PRKCB: variants seen among roughly 807,000 people sequenced by gnomAD.
PRKCB encodes protein kinase C beta, also known as protein kinase C beta type.
Under a neutral mutation model 81.5 loss-of-function variants are expected in PRKCB, and 13 were observed. That is an observed-to-expected ratio of 0.16 (90% CI 0.10 to 0.25). PRKCB has a LOEUF of 0.25. PRKCB is among the 10% of genes least tolerant of loss of function. PRKCB has a pLI of 1.00. For synonymous variants in PRKCB, 335 were observed against 321.4 expected, an observed-to-expected ratio of 1.04 and a Z score of -0.45; for missense variants, 509 against 875.7, an observed-to-expected ratio of 0.58 and a Z score of 5.29.
chr16:23,934,458 G>T (rs1427620647), intron 2 of PRKCB, among the ~76,000 whole-genome samples: 2 of 152,088 alleles, frequency 1.3e-5, no homozygotes, highest in Admixed American at 6.5e-5. Context: ...GTTTTCAGAG[G>T]AATCCTGTGG....
At chr16:24,126,779 G>A (rs996803767) in intron 9 of PRKCB, among the ~76,000 whole-genome samples, 3 of 151,894 alleles carry the variant, frequency 2.0e-5, no homozygotes, top group East Asian at 1.9e-4. Flanking sequence ...CATGTGATCC[G>A]TTCGCCTCGG....
intron 2 of PRKCB, among the ~76,000 whole-genome samples, chr16:23,977,554 A>G (rs1020696405): frequency 1.3e-5 from 2 of 152,168 alleles, no homozygotes; most frequent in African/African-American, 4.8e-5. Flanking sequence ...AGAAAACTGA[A>G]GTAGGGAATA....
intron 7 of PRKCB, among the ~76,000 whole-genome samples, chr16:24,104,870 A>G (rs1966554846): frequency 6.6e-6 from 1 of 152,140 alleles, no homozygotes; most frequent in African/African-American, 2.4e-5. Context: ...CGGCCTTGTC[A>G]GGACTTTGTC....
At chr16:23,981,734 C>CTTCCCTTTCCCTTCCCT (rs1964712201) in intron 2 of PRKCB, among the ~76,000 whole-genome samples, 1 of 48,452 alleles carries the variant, frequency 2.1e-5, no homozygotes, top group Non-Finnish European at 3.8e-5. Flanking sequence ...TTCCCTTCCC[C>CTTCCCTTTCCCTTCCCT]TTCCCTTCCC....
intron 2 of PRKCB, among the ~76,000 whole-genome samples, chr16:23,876,719 AAG>A (rs1963019372): frequency 5.9e-5 from 4 of 67,394 alleles, no homozygotes; most frequent in Non-Finnish European, 1.2e-4. Context: ...TCTGGGCCAG[AAG>A]AGTTGAACTA....
intron 2 of PRKCB, among the ~76,000 whole-genome samples, chr16:23,925,082 A>G (rs1963878199): frequency 6.6e-6 from 1 of 152,096 alleles, no homozygotes; most frequent in Non-Finnish European, 1.5e-5. Context: ...GGGTATAGTT[A>G]TTTAACTGCC....
At chr16:24,141,882 A>G (rs1966906852) in intron 9 of PRKCB, among the ~76,000 whole-genome samples, 1 of 152,166 alleles carries the variant, frequency 6.6e-6, no homozygotes, top group African/African-American at 2.4e-5. Context: ...ACATTGGTCG[A>G]TTGCTCTGAT....
intron 2 of PRKCB, among the ~76,000 whole-genome samples, chr16:23,931,558 A>T (rs1439325395): frequency 6.6e-6 from 1 of 152,116 alleles, no homozygotes; most frequent in Admixed American, 6.5e-5. Context: ...GCAGGTGCCA[A>T]CCTGAGGCTG....
chr16:24,157,918 G>A lies in PRKCB; in HGVS notation c.1239+3061G>A, dbSNP rs143963472. On this transcript the variant is annotated intron_variant, in intron 10 of 16. Transcript: ENST00000643927. ...TCCTTTATAAATTACCGAGTCTCAG[G>A]TATGTCTAATGGACTAATGAGAATG... Among the ~76,000 whole-genome samples, 523 of 152,014 alleles carry A rather than the reference G, an allele frequency of 3.4e-3. 1 individual carries two copies. The highest frequency in any genetic ancestry group is 6.3e-3 in the Non-Finnish European group (428 of 67,980).
chr16:24,206,037 G>A (rs1968040648), intron 16 of PRKCB, among the ~76,000 whole-genome samples: 1 of 152,062 alleles, frequency 6.6e-6, no homozygotes, highest in African/African-American at 2.4e-5. Flanking sequence ...AAAAGCAAGA[G>A]CAAAACAAAA....
intron 3 of PRKCB, among the ~76,000 whole-genome samples, chr16:24,005,665 TC>T (rs1353096966): frequency 6.6e-6 from 1 of 152,228 alleles, no homozygotes; most frequent in Admixed American, 6.5e-5. Flanking sequence ...TGACTTCAAT[TC>T]ATTTTTGGCC....
chr16:23,936,725 C>T (rs1182692762), intron 2 of PRKCB, among the ~76,000 whole-genome samples: 1 of 151,186 alleles, frequency 6.6e-6, no homozygotes, highest in Non-Finnish European at 1.5e-5. Flanking sequence ...CCCAAGTATT[C>T]ATTTTTTAAT....
At chr16:23,950,143 T>TTG (rs1964259920) in intron 2 of PRKCB, among the ~76,000 whole-genome samples, 3 of 144,516 alleles carry the variant, frequency 2.1e-5, no homozygotes, top group South Asian at 2.3e-4. Context: ...TTTTTTTTTT[T>TTG]TTTTTTTTTT....
At chr16:23,990,413 G>A (rs1028843000) in intron 3 of PRKCB, among the ~76,000 whole-genome samples, 7 of 150,646 alleles carry the variant, frequency 4.6e-5, no homozygotes, top group African/African-American at 1.5e-4. Context: ...AGCGGAGATC[G>A]CACCACTGCA....
intron 5 of PRKCB, among the ~76,000 whole-genome samples, chr16:24,074,799 C>T (rs1966157979): frequency 6.6e-6 from 1 of 152,112 alleles, no homozygotes; most frequent in Non-Finnish European, 1.5e-5. Context: ...TGCAATATGG[C>T]AGCCACTAGC....
intron 10 of PRKCB, among the ~76,000 whole-genome samples, chr16:24,164,148 G>T (rs993220260): frequency 3.9e-5 from 6 of 152,120 alleles, no homozygotes; most frequent in African/African-American, 1.4e-4. Flanking sequence ...AGTGGCAAGT[G>T]TCCCCCTGGC....
intron 7 of PRKCB, among the ~76,000 whole-genome samples, chr16:24,095,483 T>C (rs1966428321): frequency 6.6e-6 from 1 of 152,144 alleles, no homozygotes; most frequent in Non-Finnish European, 1.5e-5. Flanking sequence ...GGCAAAAGCC[T>C]GAAAAGACAT....
Position 23,854,046 on chromosome 16 carries a change from G to T in PRKCB, c.205+16640G>T, listed in dbSNP as rs143984058. Among the ~76,000 whole-genome samples, 555 of 150,422 alleles carry T rather than the reference G, an allele frequency of 3.7e-3. 3 individuals carry two copies. Among genetic ancestry groups the T allele is most frequent in the African/African-American group, 0.013 (515 of 41,100 alleles). ...TTTATAAAACCATCAGATCTCGTGAGACTTATTCACTATCACGAGAACAGC... is the reference window on the plus strand; with the variant it reads ...TTTATAAAACCATCAGATCTCGTGATACTTATTCACTATCACGAGAACAGC... On this transcript the variant is annotated intron_variant, in intron 2 of 16. Transcript: ENST00000643927.
intron 2 of PRKCB, among the ~76,000 whole-genome samples, chr16:23,970,229 C>A (rs576568458): frequency 6.6e-6 from 1 of 152,228 alleles, no homozygotes; most frequent in East Asian, 1.9e-4. Context: ...TGGAGTTGTC[C>A]AAGGTTAATG....
Sources: gnomAD v4.1 joint callset for allele counts (sites outside exome capture counted in the v4.1 genomes callset) on GRCh38, gnomAD v4.1.1 for gene constraint, MANE v1.5 for transcripts, NCBI Gene and HGNC (gene_info 2026-07-23, HGNC 2026-07-21) for gene names.